ERBB4: variants seen among roughly 807,000 people sequenced by gnomAD.
ERBB4 encodes erb-b2 receptor tyrosine kinase 4.
A neutral mutation model predicts 158.0 loss-of-function variants in ERBB4; 42 were observed. The observed-to-expected ratio is 0.27, with a 90% CI of 0.21 to 0.34. ERBB4 has a LOEUF of 0.34. Among genes scored for constraint, ERBB4 ranks in the 10% least tolerant of loss-of-function variants. ERBB4 has a pLI of 1.00. For synonymous variants in ERBB4, 583 were observed against 558.7 expected (o/e 1.04, Z -0.61); for missense variants, 1,333 against 1,624.1 (o/e 0.82, Z 3.08).
At chr2:212,229,216 G>A (rs2083581420) in intron 1 of ERBB4, among the ~76,000 whole-genome samples, 2 of 151,942 alleles carry the variant, frequency 1.3e-5, no homozygotes, top group Admixed American at 1.3e-4. Flanking sequence ...TAGAAGAGAG[G>A]GAAACAGAAA....
intron 1 of ERBB4, among the ~76,000 whole-genome samples, chr2:212,254,958 G>A (rs1282237629): frequency 8.5e-5 from 13 of 152,282 alleles, no homozygotes; most frequent in Non-Finnish European, 1.2e-4. Flanking sequence ...CCTAAGAGCC[G>A]AGTAAGGAGT....
At chr2:211,664,327 ATGTGTGTGTGTGTG>A (rs113835907) in intron 15 of ERBB4, among the ~76,000 whole-genome samples, 2 of 148,948 alleles carry the variant, frequency 1.3e-5, no homozygotes, top group East Asian at 2.0e-4. Context: ...TCAACTACAA[ATGTGTGTGTGTGTG>A]TGTGTGTGTG....
intron 3 of ERBB4, among the ~76,000 whole-genome samples, chr2:211,793,941 C>T (rs2076328685): frequency 6.6e-6 from 1 of 151,754 alleles, no homozygotes; most frequent in South Asian, 2.1e-4. Flanking sequence ...TGAAATGTCA[C>T]GTTTGTATTG....
chr2:211,712,206 T>C (rs750113677), intron 8 of ERBB4, 30 bp from the exon 9 acceptor site: 91 of 1,611,932 alleles, frequency 5.6e-5, no homozygotes, highest in South Asian at 1.8e-4. Context: ...AGTTAGGGGA[T>C]TGAGAAACTT....
At chr2:212,226,304 C>G (rs1247394177) in intron 1 of ERBB4, among the ~76,000 whole-genome samples, 1 of 152,034 alleles carries the variant, frequency 6.6e-6, no homozygotes, top group Non-Finnish European at 1.5e-5. Flanking sequence ...GATGAGAACT[C>G]AGCACTGGCT....
At chr2:211,472,845 C>G (rs1489555008) in intron 20 of ERBB4, among the ~76,000 whole-genome samples, 1 of 151,714 alleles carries the variant, frequency 6.6e-6, no homozygotes, top group Non-Finnish European at 1.5e-5. Context: ...CCTCAGAGCT[C>G]CTGGTTCAGT....
rs139314841 is a variant in ERBB4 at position 211,572,245 on chromosome 2, C to T, written c.2302-10157G>A. ...TTTGATTGACAACATAGAGTCGTAA[C>T]ATTGCACGTACTCAATAAACACATG... On this transcript the variant is annotated intron_variant, in intron 19 of 27. Coordinates refer to ENST00000342788, the MANE Select transcript of ERBB4 (RefSeq NM_005235.3). 3.0e-3 allele frequency among the ~76,000 whole-genome samples: 455 copies of T among 152,268 alleles called. 5 individuals are homozygous for T. Among genetic ancestry groups the T allele is most frequent in the African/African-American group, 0.011 (440 of 41,542 alleles).
intron 1 of ERBB4, among the ~76,000 whole-genome samples, chr2:212,354,583 A>G (rs1277188709): frequency 6.6e-6 from 1 of 152,158 alleles, no homozygotes; most frequent in Non-Finnish European, 1.5e-5. Context: ...TTCTTACACC[A>G]GCAATTTCAA....
chr2:212,002,880 G>C (rs1217867514), intron 2 of ERBB4, among the ~76,000 whole-genome samples: 2 of 151,734 alleles, frequency 1.3e-5, no homozygotes, highest in Non-Finnish European at 2.9e-5. Flanking sequence ...CCAATATGGT[G>C]AAACCCTGTC....
intron 4 of ERBB4, among the ~76,000 whole-genome samples, chr2:211,787,062 A>T (rs2076182506): frequency 6.6e-6 from 1 of 152,204 alleles, no homozygotes; most frequent in Admixed American, 6.5e-5. Flanking sequence ...CCATTATATT[A>T]TTAGGGCCAT....
chr2:211,883,553 A>G (rs2078718829), intron 3 of ERBB4, among the ~76,000 whole-genome samples: 1 of 152,096 alleles, frequency 6.6e-6, no homozygotes, highest in African/African-American at 2.4e-5. Flanking sequence ...CGAGGCGTGA[A>G]GATTGCTTGA....
chr2:211,442,995 T>G (rs2064023001), intron 20 of ERBB4, among the ~76,000 whole-genome samples: 1 of 152,056 alleles, frequency 6.6e-6, no homozygotes, highest in African/African-American at 2.4e-5. Context: ...TCCTCACATT[T>G]ACCAATTTCA....
In ERBB4 at chr2:211,769,643, T is replaced by C. The variant is rs572125684; in HGVS notation, c.556+18382A>G. Among the ~76,000 whole-genome samples, 3 of 152,286 alleles carry C rather than the reference T, an allele frequency of 2.0e-5. No individual in the cohort carries two copies. In the East Asian group the frequency reaches 5.8e-4, roughly 29 times the overall value. On this transcript the variant is annotated intron_variant, in intron 4 of 27. Coordinates refer to ENST00000342788, the MANE Select transcript of ERBB4 (RefSeq NM_005235.3). ...ACCTCAAAAGTAGGGAAGCCAACTGTCCAGCCTTCAGTCTGTGGCCAAAGT... is the reference window on the plus strand; with the variant it reads ...ACCTCAAAAGTAGGGAAGCCAACTGCCCAGCCTTCAGTCTGTGGCCAAAGT...
chr2:211,684,337 G>C (rs539953029), intron 12 of ERBB4, among the ~76,000 whole-genome samples: 2 of 152,250 alleles, frequency 1.3e-5, no homozygotes, highest in East Asian at 3.9e-4. Flanking sequence ...TCTAATCCCA[G>C]TTACTCAGAA....
chr2:212,445,048 A>C (rs1430133702), intron 1 of ERBB4, among the ~76,000 whole-genome samples: 4 of 151,946 alleles, frequency 2.6e-5, no homozygotes, highest in African/African-American at 9.7e-5. Context: ...CTCACTTTAT[A>C]GCTAAAGAAC....
Position 211,383,261 on chromosome 2 carries a change from G to T in ERBB4, c.*354C>A. 17 of 235,816 alleles carry T rather than the reference G, an allele frequency of 7.2e-5. No individual in the cohort carries two copies. Among genetic ancestry groups the T allele is most frequent in the East Asian group, 1.3e-4 (2 of 15,412 alleles). The allele number at this position is 235,816 out of a possible 1,614,324, so 14.6% of individuals were successfully genotyped here. ...CTGCTTTAAAAAAAAAAAAAAAAAA[G>T]AAGAGGAAGAAAGAAACAAAGAAAG... On this transcript the variant is annotated 3_prime_UTR_variant, in exon 28 of 28. Coordinates refer to ENST00000342788, the MANE Select transcript of ERBB4 (RefSeq NM_005235.3).
intron 17 of ERBB4, among the ~76,000 whole-genome samples, chr2:211,628,831 G>A (rs1331905827): frequency 2.0e-5 from 3 of 152,114 alleles, no homozygotes; most frequent in Non-Finnish European, 2.9e-5. Flanking sequence ...TCCAGCACCT[G>A]TTGTTTCCTG....
chr2:212,395,869 G>A (rs185650762), intron 1 of ERBB4, among the ~76,000 whole-genome samples: 9 of 151,980 alleles, frequency 5.9e-5, no homozygotes, highest in Admixed American at 5.9e-4. Flanking sequence ...TGCCTGCCTC[G>A]GCCTCCCAAA....
intron 4 of ERBB4, among the ~76,000 whole-genome samples, chr2:211,775,659 A>ATT (rs1460825037): frequency 6.6e-6 from 1 of 152,122 alleles, no homozygotes; most frequent in Non-Finnish European, 1.5e-5. Context: ...TGTGTAGACA[A>ATT]TTATTAGTAA....
Sources: allele counts gnomAD v4.1 joint callset (sites outside exome capture counted in the v4.1 genomes callset), GRCh38; gene constraint gnomAD v4.1.1; transcripts MANE v1.5; gene names NCBI Gene and HGNC (gene_info 2026-07-23, HGNC 2026-07-21).